Variants in DCC observed in about 807,000 individuals in gnomAD.
DCC encodes netrin receptor DCC.
A neutral mutation model predicts 172.5 loss-of-function variants in DCC; 58 were observed. The observed-to-expected ratio is 0.34, with a 90% confidence interval of 0.27 to 0.42. The LOEUF is 0.42. Among genes scored for constraint, DCC ranks in the 10% least tolerant of loss-of-function variants. The pLI, the probability that DCC is intolerant of heterozygous loss-of-function variation, is 1.00. For missense variants in DCC, 1,740 were observed against 1,791.0 expected (o/e 0.97, Z 0.51); for synonymous variants, 709 against 644.5 (o/e 1.10, Z -1.52).
intron 7 of DCC, among the ~76,000 whole-genome samples, chr18:53,099,371 G>T (rs891686956): frequency 6.6e-6 from 1 of 151,976 alleles, no homozygotes; most frequent in East Asian, 1.9e-4. Context: ...AGTCCTTCTA[G>T]CTTCCTACTA....
chr18:53,017,144 C>T (rs113784876), intron 5 of DCC, among the ~76,000 whole-genome samples: 19,145 of 147,876 alleles, frequency 0.13, 1,455 homozygotes, highest in East Asian at 0.3. Flanking sequence ...AGCGCCATCT[C>T]GGCTCACTGC....
rs1189986975 is a variant in DCC, at chr18:53,468,193, A to AT, written c.3736+190dup. On this transcript the variant is annotated intron_variant, in intron 25 of 28. Coordinates refer to ENST00000442544, the MANE Select transcript of DCC (RefSeq NM_005215.4). ...AGTCTAAGTCTTCATTCGTTACTGT[A>AT]TTTTTTTGTATACAATCAGATGGTC... 4.6e-5 allele frequency among the ~76,000 whole-genome samples: 7 copies of AT among 152,074 alleles called. 1 individual carries two copies. Among genetic ancestry groups the AT allele is most frequent in the Admixed American group, 4.6e-4 (7 of 15,266 alleles).
chr18:52,636,363 G>T (rs944996912), intron 1 of DCC, among the ~76,000 whole-genome samples: 1 of 130,378 alleles, frequency 7.7e-6, no homozygotes, highest in Non-Finnish European at 1.6e-5. Context: ...GGCACGAATT[G>T]GGGATACAGA....
At chr18:53,340,535 A>C (rs1336235679) in intron 15 of DCC, among the ~76,000 whole-genome samples, 2 of 151,926 alleles carry the variant, frequency 1.3e-5, no homozygotes, top group Non-Finnish European at 2.9e-5. Flanking sequence ...ACTCAACTCA[A>C]CCTCATTTTT....
In DCC at chr18:52,340,695, CGTGTGTGTGCATGTGTGCATGCGT is replaced by C. The variant is rs1983588586; in HGVS notation, c.-87_-64del. 6.7e-6 allele frequency: 6 copies of C among 897,728 alleles called. No homozygotes were observed. The highest frequency in any genetic ancestry group is 3.9e-5 in the South Asian group (3 of 76,726). The allele number at this position is 897,728 out of a possible 1,614,324, so 55.6% of individuals were successfully genotyped here. A position where few individuals can be genotyped will look rare whatever the true frequency, so the allele number is the denominator to read the frequency against. On this transcript the variant is annotated 5_prime_UTR_variant, in exon 1 of 29. An upstream start codon of the reference 5' UTR is lost. Transcript: ENST00000442544. Reference sequence around the variant, plus strand: ...AGGAGGAAGCCGAAGGGGCTCGGCGCGTGTGTGTGCATGTGTGCATGCGTGTGTGAGTGCATGTGTGTGAGTGCT... The same window carrying C: ...AGGAGGAAGCCGAAGGGGCTCGGCGCGTGTGAGTGCATGTGTGTGAGTGCT...
intron 9 of DCC, among the ~76,000 whole-genome samples, chr18:53,198,617 T>G (rs1276204185): frequency 6.6e-6 from 1 of 152,166 alleles, no homozygotes; most frequent in East Asian, 1.9e-4. Context: ...ATACTATAAA[T>G]TTTTATATAT....
chr18:53,464,074 A>G (rs2045589921), intron 24 of DCC, among the ~76,000 whole-genome samples: 1 of 152,244 alleles, frequency 6.6e-6, no homozygotes, highest in Non-Finnish European at 1.5e-5. Context: ...TTATTGCTTC[A>G]TGATACATCT....
At chr18:52,472,915 ATAAAT>A (rs916846049) in intron 1 of DCC, among the ~76,000 whole-genome samples, 9 of 152,292 alleles carry the variant, frequency 5.9e-5, no homozygotes, top group African/African-American at 1.4e-4. Flanking sequence ...TCAAAAATAA[ATAAAT>A]TAAATTAAAT....
intron 7 of DCC, among the ~76,000 whole-genome samples, chr18:53,086,948 G>T (rs190077484): frequency 2.0e-5 from 3 of 151,056 alleles, no homozygotes; most frequent in East Asian, 2.0e-4. Context: ...TTTTTATGGG[G>T]GCATAGTATT....
In DCC at chr18:52,666,712, T is replaced by C. The variant is rs534323617; in HGVS notation, c.92-85342T>C. On this transcript the variant is annotated intron_variant, in intron 1 of 28. Transcript: ENST00000442544. ...AAAATTGGAAAGCACAGAATCAATTTGTCTAAAGAAAATAACTTGTTAGTA... is the reference window on the plus strand; with the variant it reads ...AAAATTGGAAAGCACAGAATCAATTCGTCTAAAGAAAATAACTTGTTAGTA... Among the ~76,000 whole-genome samples the C allele has an allele frequency of 2.0e-5, 3 of 152,336 alleles. No homozygotes were observed. The South Asian group carries it at 6.2e-4, about 32-fold the overall frequency.
At chr18:52,801,047 G>T (rs558145852) in intron 2 of DCC, among the ~76,000 whole-genome samples, 17 of 152,268 alleles carry the variant, frequency 1.1e-4, no homozygotes, top group Admixed American at 6.5e-4. Flanking sequence ...ATCCCATGGA[G>T]ATTGCAGGGT....
chr18:53,107,521 C>CAA (rs11361848), intron 7 of DCC, among the ~76,000 whole-genome samples: 17 of 85,752 alleles, frequency 2.0e-4, no homozygotes, highest in East Asian at 1.2e-3. Flanking sequence ...AACTTTGATC[C>CAA]AAAAAAAAAA....
At chr18:53,240,049 AAC>A (rs1169273744) in intron 12 of DCC, among the ~76,000 whole-genome samples, 339 of 145,124 alleles carry the variant, frequency 2.3e-3, no homozygotes, top group African/African-American at 8.1e-3. Context: ...AAAAAAAAAA[AAC>A]AACAAAACAC....
chr18:53,057,144 T>C (rs542969707), intron 5 of DCC, among the ~76,000 whole-genome samples: 11 of 149,196 alleles, frequency 7.4e-5, no homozygotes, highest in African/African-American at 2.5e-4. Context: ...AAAATACTTA[T>C]GGGCATTTAT....
At chr18:52,868,871 G>A (rs2039271699) in intron 2 of DCC, among the ~76,000 whole-genome samples, 1 of 152,192 alleles carries the variant, frequency 6.6e-6, no homozygotes, top group Non-Finnish European at 1.5e-5. Context: ...CTGCTGCCAT[G>A]GGGCAGGAAG....
At chr18:52,828,532 C>T (rs951845961) in intron 2 of DCC, among the ~76,000 whole-genome samples, 1 of 151,884 alleles carries the variant, frequency 6.6e-6, no homozygotes, top group Non-Finnish European at 1.5e-5. Context: ...ATTTCAGTAG[C>T]CAGTGTGTAA....
intron 8 of DCC, among the ~76,000 whole-genome samples, chr18:53,159,489 C>T (rs2054800502): frequency 6.6e-6 from 1 of 152,174 alleles, no homozygotes; most frequent in African/African-American, 2.4e-5. Flanking sequence ...CCTGCCAATC[C>T]ATCTTCCTCA....
At chr18:52,826,432 A>AG (rs2038510761) in intron 2 of DCC, among the ~76,000 whole-genome samples, 2 of 151,888 alleles carry the variant, frequency 1.3e-5, no homozygotes, top group African/African-American at 4.8e-5. Flanking sequence ...AACATTTTGG[A>AG]GTCTTGTTTT....
At chr18:52,704,741 T>C (rs1461021622) in intron 1 of DCC, among the ~76,000 whole-genome samples, 1 of 152,228 alleles carries the variant, frequency 6.6e-6, no homozygotes, top group Admixed American at 6.5e-5. Context: ...TTCCCTCTTA[T>C]TCTCTGGATT....
Sources: gnomAD v4.1 joint callset for allele counts (sites outside exome capture counted in the v4.1 genomes callset) on GRCh38, gnomAD v4.1.1 for gene constraint, MANE v1.5 for transcripts, NCBI Gene and HGNC (gene_info 2026-07-23, HGNC 2026-07-21) for gene names.